Variants in SLC26A7 observed in about 807,000 individuals in gnomAD.
The protein encoded by SLC26A7 is anion exchange transporter.
In SLC26A7, 59 loss-of-function variants were observed where a neutral mutation model predicts 82.5. The observed-to-expected ratio is 0.72, with a 90% confidence interval of 0.58 to 0.89. SLC26A7 has a LOEUF of 0.89. Ranked by LOEUF, SLC26A7 falls within the 40% of genes least tolerant of loss-of-function variation. The pLI, the probability that SLC26A7 is intolerant of heterozygous loss-of-function variation, is 0.00. For synonymous variants in SLC26A7, 271 were observed against 274.3 expected, an observed-to-expected ratio of 0.99 and a Z score of 0.12; for missense variants, 820 against 793.0, an observed-to-expected ratio of 1.03 and a Z score of -0.41.
chr8:91,357,561 A>G (rs1054210151), intron 11 of SLC26A7, among the ~76,000 whole-genome samples: 1 of 152,210 alleles, frequency 6.6e-6, no homozygotes, highest in African/African-American at 2.4e-5. Flanking sequence ...AGCCATAGGT[A>G]GAAAGCTGAA....
intron 8 of SLC26A7, 185 bp from the exon 9 acceptor site, chr8:91,343,168 C>A (rs970165720): frequency 3.7e-6 from 2 of 537,514 alleles, no homozygotes; most frequent in South Asian, 2.5e-5. Flanking sequence ...TGCTTGAGAA[C>A]AATTTCTTGC....
chr8:91,335,748 TTA>T (rs1440467314), intron 6 of SLC26A7, among the ~76,000 whole-genome samples: 4 of 152,162 alleles, frequency 2.6e-5, no homozygotes, highest in Admixed American at 6.6e-5. Context: ...TACTTACAAG[TTA>T]TAGATCAAAA....
chr8:91,334,476 T>C, intron 6 of SLC26A7, 29 bp downstream of exon 6: 1 of 1,592,398 alleles, frequency 6.3e-7, no homozygotes, highest in Non-Finnish European at 8.6e-7. Flanking sequence ...TTTAGCTTTT[T>C]GCCATGCAAA....
intron 9 of SLC26A7, among the ~76,000 whole-genome samples, chr8:91,348,863 T>G (rs1411556511): frequency 6.6e-6 from 1 of 152,212 alleles, no homozygotes; most frequent in Non-Finnish European, 1.5e-5. Flanking sequence ...TAGATGATAT[T>G]TGAAATATAG....
intron 2 of SLC26A7, among the ~76,000 whole-genome samples, chr8:91,263,643 CCCTTCTTT>C (rs1811030450): frequency 6.6e-6 from 1 of 151,988 alleles, no homozygotes; most frequent in Admixed American, 6.6e-5. Flanking sequence ...TCTCTTAGTT[CCCTTCTTT>C]CCTTCCTATC....
At chr8:91,332,072 A>C (rs1197323676) in intron 5 of SLC26A7, among the ~76,000 whole-genome samples, 1 of 150,218 alleles carries the variant, frequency 6.7e-6, no homozygotes, top group Non-Finnish European at 1.5e-5. Context: ...TTCAAACATG[A>C]TATATTGGAT....
chr8:91,222,034 C>T (rs796974973), intron 2 of SLC26A7, among the ~76,000 whole-genome samples: 8 of 152,162 alleles, frequency 5.3e-5, no homozygotes, highest in African/African-American at 1.7e-4. Flanking sequence ...TGTTTGTGTC[C>T]TCTCTTATTT....
At chr8:91,337,396 G>A (rs926296971) in intron 6 of SLC26A7, among the ~76,000 whole-genome samples, 3 of 152,172 alleles carry the variant, frequency 2.0e-5, no homozygotes, top group African/African-American at 7.2e-5. Flanking sequence ...CCATAATCAT[G>A]TGAAATTTTT....
chr8:91,384,096 C>G (rs758807312), intron 15 of SLC26A7, among the ~76,000 whole-genome samples: 6 of 152,124 alleles, frequency 3.9e-5, no homozygotes, highest in Non-Finnish European at 7.4e-5. Flanking sequence ...CTTAAAACAG[C>G]ACGGATTTGT....
At chr8:91,307,703 G>A (rs1228667308) in intron 4 of SLC26A7, among the ~76,000 whole-genome samples, 1 of 139,506 alleles carries the variant, frequency 7.2e-6, no homozygotes, top group African/African-American at 2.7e-5. Flanking sequence ...AATGCTAGAT[G>A]ACGAGTTAGT....
rs887011716 is a variant in SLC26A7, at chr8:91,396,147, G to A, written c.*1050G>A. 6.6e-6 allele frequency: 1 copy of A among 151,878 alleles called. No homozygotes were observed. The highest frequency in any genetic ancestry group is 2.4e-5 in the African/African-American group (1 of 41,398). The allele number at this position is 151,878 out of a possible 1,614,324, so 9.4% of individuals were successfully genotyped here. ...GGATAATTGACAAATAAACGCCATAGGCTAGGCTGAACTGTATGTTACTGT... is the reference window on the plus strand; with the variant it reads ...GGATAATTGACAAATAAACGCCATAAGCTAGGCTGAACTGTATGTTACTGT... On this transcript the variant is annotated 3_prime_UTR_variant, in exon 19 of 19. Coordinates refer to ENST00000276609, the MANE Select transcript of SLC26A7 (RefSeq NM_052832.4).
At chr8:91,309,848 A>G (rs1240519232) in intron 4 of SLC26A7, among the ~76,000 whole-genome samples, 1 of 151,994 alleles carries the variant, frequency 6.6e-6, no homozygotes, top group Admixed American at 6.6e-5. Context: ...GCTTGCTAGC[A>G]CTTGGTTAGG....
At chr8:91,285,934 T>C (rs1811698846) in intron 2 of SLC26A7, among the ~76,000 whole-genome samples, 1 of 152,226 alleles carries the variant, frequency 6.6e-6, no homozygotes, top group African/African-American at 2.4e-5. Context: ...GTTTCTTTGG[T>C]TTTCTGAATA....
At chr8:91,263,478 C>T (rs1302775875) in intron 2 of SLC26A7, among the ~76,000 whole-genome samples, 3 of 152,016 alleles carry the variant, frequency 2.0e-5, no homozygotes, top group Non-Finnish European at 4.4e-5. Context: ...AAATTTCTCC[C>T]TTTACTATGG....
At chr8:91,380,044 C>T (rs1814626307) in intron 15 of SLC26A7, among the ~76,000 whole-genome samples, 1 of 151,994 alleles carries the variant, frequency 6.6e-6, no homozygotes, top group African/African-American at 2.4e-5. Context: ...TAGGAATATG[C>T]TTGACTTCAC....
At chr8:91,388,139 G>GT (rs886500433) in intron 15 of SLC26A7, among the ~76,000 whole-genome samples, 2 of 151,670 alleles carry the variant, frequency 1.3e-5, no homozygotes, top group South Asian at 2.1e-4. Context: ...CAGGATTTTT[G>GT]TTTTTTTTAG....
chr8:91,344,637 A>G (rs1014727712), intron 9 of SLC26A7, among the ~76,000 whole-genome samples: 1 of 152,226 alleles, frequency 6.6e-6, no homozygotes, highest in African/African-American at 2.4e-5. Flanking sequence ...ACATGAAAGG[A>G]AGCAGTAACC....
intron 2 of SLC26A7, among the ~76,000 whole-genome samples, chr8:91,257,940 G>C (rs969815796): frequency 2.0e-5 from 3 of 152,114 alleles, no homozygotes; most frequent in African/African-American, 7.2e-5. Flanking sequence ...CATGGCGGAA[G>C]GTGCCTCTTC....
chr8:91,234,956 G>T (rs1810372601), intron 2 of SLC26A7, among the ~76,000 whole-genome samples: 1 of 149,724 alleles, frequency 6.7e-6, no homozygotes, highest in Non-Finnish European at 1.5e-5. Flanking sequence ...GTTTTCCTCT[G>T]TCACCTAGGC....
Sources: gnomAD v4.1 joint callset for allele counts (sites outside exome capture counted in the v4.1 genomes callset) on GRCh38, gnomAD v4.1.1 for gene constraint, MANE v1.5 for transcripts, NCBI Gene and HGNC (gene_info 2026-07-23, HGNC 2026-07-21) for gene names.